Variants in SLC12A9 observed in about 807,000 individuals in gnomAD.
The protein encoded by SLC12A9 is CCC-interacting protein 1.
Under a neutral mutation model 66.0 loss-of-function variants are expected in SLC12A9, and 55 were observed. That is an observed-to-expected ratio of 0.83 (90% CI 0.67 to 1.04). SLC12A9 has a LOEUF of 1.04. Ranked by LOEUF, SLC12A9 falls within the 50% of genes least tolerant of loss-of-function variation. The pLI, the probability that SLC12A9 is intolerant of heterozygous loss-of-function variation, is 0.00. For synonymous variants in SLC12A9, 577 were observed against 569.0 expected (o/e 1.01, Z -0.20); for missense variants, 1,061 against 1,241.9 (o/e 0.85, Z 2.19).
upstream of SLC12A9, among the ~76,000 whole-genome samples, chr7:100,850,222 TTTCC>T (rs1270965689): frequency 7.3e-6 from 1 of 137,086 alleles, no homozygotes; most frequent in Non-Finnish European, 1.6e-5. Context: ...CCCTCCCTTC[TTTCC>T]TTCCTTCATT....
chr7:100,833,255 G>A (rs1020498765), intron 1 of SLC12A9, among the ~76,000 whole-genome samples: 5 of 151,856 alleles, frequency 3.3e-5, no homozygotes, highest in African/African-American at 7.3e-5. Context: ...AGGCCGAGGC[G>A]GGTGGATCAC....
intron 7 of SLC12A9, 84 bp from the exon 8 acceptor site, chr7:100,859,801 G>T: frequency 1.4e-6 from 2 of 1,478,666 alleles, no homozygotes; most frequent in East Asian, 2.3e-5. Flanking sequence ...TTTGATATCT[G>T]AGTCTGATCC....
At chr7:100,865,693 TC>T (rs980162324) in intron 13 of SLC12A9, 25 bp from the exon 14 acceptor site, 1 of 1,585,132 alleles carries the variant, frequency 6.3e-7, no homozygotes, top group Non-Finnish European at 8.6e-7. Flanking sequence ...TCCTGTCTGT[TC>T]CTGCCTTCCC....
intron 1 of SLC12A9, among the ~76,000 whole-genome samples, chr7:100,847,627 G>A (rs1009765605): frequency 1.1e-4 from 16 of 152,140 alleles, no homozygotes; most frequent in African/African-American, 3.9e-4. Context: ...ACTTGAAAGT[G>A]GAGGCCAAAG....
chr7:100,857,322 A>C (rs1814459682), intron 5 of SLC12A9, 146 bp downstream of exon 5: 1 of 914,904 alleles, frequency 1.1e-6, no homozygotes, highest in Non-Finnish European at 1.6e-6. Flanking sequence ...AATTTAATTC[A>C]AGCCTGTCTA....
At chr7:100,858,981 C>A in intron 6 of SLC12A9, 39 bp downstream of exon 6, 1 of 1,612,706 alleles carries the variant, frequency 6.2e-7, no homozygotes, top group Non-Finnish European at 8.5e-7. Context: ...GGGTTTGGGG[C>A]TGCCACCGTG....
chr7:100,849,670 G>A (rs781712328), upstream of SLC12A9, among the ~76,000 whole-genome samples: 15 of 149,742 alleles, frequency 1.0e-4, no homozygotes, highest in South Asian at 4.6e-4. Context: ...AGCTGAGATC[G>A]CGCCACTGCC....
chr7:100,865,594 C>G (rs1037485805), intron 13 of SLC12A9, 125 bp from the exon 14 acceptor site: 3 of 1,567,544 alleles, frequency 1.9e-6, no homozygotes, highest in Non-Finnish European at 2.6e-6. Flanking sequence ...CGTAAGAGCC[C>G]GTACACAGTG....
intron 1 of SLC12A9, among the ~76,000 whole-genome samples, chr7:100,829,421 T>C (rs959992364): frequency 6.6e-6 from 1 of 152,056 alleles, no homozygotes; most frequent in Admixed American, 6.6e-5. Flanking sequence ...TGTGATAACC[T>C]CTTGTCCCGG....
At chr7:100,858,481 T>C (rs747899952) in intron 5 of SLC12A9, 3 of 196,992 alleles carry the variant, frequency 1.5e-5, no homozygotes, top group African/African-American at 4.7e-5. Flanking sequence ...TCCCAGCTAC[T>C]TGGCAGACTG....
chr7:100,847,350 G>A (rs1225518738), intron 1 of SLC12A9, among the ~76,000 whole-genome samples: 3 of 152,234 alleles, frequency 2.0e-5, no homozygotes, highest in African/African-American at 7.2e-5. Flanking sequence ...CAGCAGGACT[G>A]TAGTTGGTGA....
rs1223026789 is a variant in SLC12A9, at chr7:100,852,815, C to T, written c.-63C>T. ...AGCCCCCCGGCTCGCGGGGATCGCCCCCGAGCGCTGCGTCCTGCGGGTGGG... is the reference window on the plus strand; with the variant it reads ...AGCCCCCCGGCTCGCGGGGATCGCCTCCGAGCGCTGCGTCCTGCGGGTGGG... On this transcript the variant is annotated 5_prime_UTR_variant, in exon 1 of 14. Coordinates refer to ENST00000354161, the MANE Select transcript of SLC12A9 (RefSeq NM_020246.4). 6.6e-6 allele frequency: 1 copy of T among 152,298 alleles called. No homozygotes were observed. Among genetic ancestry groups the T allele is most frequent in the East Asian group, 1.9e-4 (1 of 5,180 alleles). The allele number at this position is 152,298 out of a possible 1,614,324, so 9.4% of individuals were successfully genotyped here. A position where few individuals can be genotyped will look rare whatever the true frequency, so the allele number is the denominator to read the frequency against.
In SLC12A9 at chr7:100,862,808, G is replaced by A; in HGVS notation, c.1839G>A (p.Leu613=). 2 of 1,614,142 alleles carry A rather than the reference G, an allele frequency of 1.2e-6. No individual in the cohort carries two copies. The change falls in exon 13 of 14, where the codon CTG becomes CTA. Residue 613 remains leucine, a synonymous_variant. Transcript: ENST00000354161. ...CCGTGCGCCAGGGGGCTCAGCATCT[G>A]CTGCGAATCTCCGGCCTCGGTGAGC... The part of the protein sequence containing the change: ...SPSVRQGAQH[L]LRISGLGGMK...
Position 100,866,542 on chromosome 7 carries a change from C to T in SLC12A9, c.2682C>T (p.Thr894=). The change falls in exon 14 of 14, where the codon ACC becomes ACT. Residue 894 remains threonine, a synonymous_variant. Coordinates refer to ENST00000354161, the MANE Select transcript of SLC12A9 (RefSeq NM_020246.4). This position sits in a 1 kb window ranked among gnomAD's most constrained non-coding sequence, Gnocchi z 7.3. ...ACCTGGCGCTACTGGAGACTCTAAC[C>T]CGAGACCTGGGCCCCACGCTGCTGG... ...PRYLALLETL[T]RDLGPTLLVH... 1 of 1,585,132 alleles carries T rather than the reference C, an allele frequency of 6.3e-7. No homozygotes were observed. The highest frequency in any genetic ancestry group is 8.6e-7 in the Non-Finnish European group (1 of 1,166,858).
chr7:100,863,633 C>T (rs1007378921), intron 13 of SLC12A9, among the ~76,000 whole-genome samples: 1 of 152,214 alleles, frequency 6.6e-6, no homozygotes, highest in Non-Finnish European at 1.5e-5. Context: ...CCACCCAAAG[C>T]CACAAAGGAT....
At chr7:100,850,858 T>A (rs1814053199), upstream of SLC12A9, among the ~76,000 whole-genome samples, 1 of 152,036 alleles carries the variant, frequency 6.6e-6, no homozygotes, top group Admixed American at 6.6e-5. Flanking sequence ...TAGCTGGGAT[T>A]ACAGGTGCGT....
chr7:100,837,931 G>A (rs757914428), intron 1 of SLC12A9, among the ~76,000 whole-genome samples: 2 of 131,416 alleles, frequency 1.5e-5, no homozygotes, highest in Non-Finnish European at 3.0e-5. Flanking sequence ...CGTGATCTTC[G>A]CTCACTGCAA....
chr7:100,853,917 C>G (rs1292010177), intron 1 of SLC12A9, among the ~76,000 whole-genome samples: 1 of 151,940 alleles, frequency 6.6e-6, no homozygotes, highest in South Asian at 2.1e-4. Flanking sequence ...TTAGTAGAGA[C>G]GGGGTTTCAC....
chr7:100,862,740 C>A lies in SLC12A9; in HGVS notation c.1771C>A (p.Arg591Ser). The A allele has an allele frequency of 6.2e-6, 10 of 1,614,172 alleles. No individual in the cohort carries two copies. The highest frequency in any genetic ancestry group is 8.5e-6 in the Non-Finnish European group (10 of 1,180,034). ...QYGAWLSLVD[R>S]AQVKAFVDLT... ...TGGGGCATGGCTCAGCCTGGTGGACCGTGCCCAGGTGAAGGCTTTTGTGGA... is the reference window on the plus strand; with the variant it reads ...TGGGGCATGGCTCAGCCTGGTGGACAGTGCCCAGGTGAAGGCTTTTGTGGA... Residue 591 changes from arginine to serine, a missense_variant, in exon 13 of 14, where the codon CGT becomes AGT. Coordinates refer to ENST00000354161, the MANE Select transcript of SLC12A9 (RefSeq NM_020246.4).
Sources: allele counts gnomAD v4.1 joint callset (sites outside exome capture counted in the v4.1 genomes callset), GRCh38; gene constraint gnomAD v4.1.1; non-coding constraint Gnocchi (gnomAD v3.1); transcripts MANE v1.5; gene names NCBI Gene and HGNC (gene_info 2026-07-23, HGNC 2026-07-21).